Variants in KLHL1 observed in about 807,000 individuals in gnomAD.
KLHL1 encodes the protein kelch-like protein 1.
Under a neutral mutation model 77.7 loss-of-function variants are expected in KLHL1, and 47 were observed. The observed-to-expected ratio is 0.60, with a 90% CI of 0.48 to 0.77. The LOEUF is 0.77. Ranked by LOEUF, KLHL1 falls within the 30% of genes least tolerant of loss-of-function variation. The pLI is 0.00. For missense variants in KLHL1, 925 were observed against 910.8 expected, an observed-to-expected ratio of 1.02 and a Z score of -0.20; for synonymous variants, 360 against 325.2, an observed-to-expected ratio of 1.11 and a Z score of -1.15.
chr13:69,729,782 A>G (rs9529630), intron 8 of KLHL1, among the ~76,000 whole-genome samples: 7,997 of 152,202 alleles, frequency 0.053, 362 homozygotes, highest in African/African-American at 0.12. Flanking sequence ...AAAATCAAGT[A>G]AAAAATGGAG....
At chr13:70,053,229 C>T (rs975012194) in intron 1 of KLHL1, among the ~76,000 whole-genome samples, 13 of 151,870 alleles carry the variant, frequency 8.6e-5, no homozygotes, top group African/African-American at 1.9e-4. Flanking sequence ...ACATATAGAA[C>T]GAATTCTTTA....
chr13:70,013,443 C>T (rs1037534968), intron 1 of KLHL1, among the ~76,000 whole-genome samples: 1 of 152,076 alleles, frequency 6.6e-6, no homozygotes, highest in Non-Finnish European at 1.5e-5. Context: ...AGGTTTCTTT[C>T]CTTGTTGCTA....
At chr13:69,765,840 A>G (rs1321608753) in intron 7 of KLHL1, among the ~76,000 whole-genome samples, 1 of 152,192 alleles carries the variant, frequency 6.6e-6, no homozygotes, top group African/African-American at 2.4e-5. Flanking sequence ...CTGATGCTCT[A>G]AGGGCTTTCA....
At chr13:69,752,861 C>T (rs1481683203) in intron 7 of KLHL1, among the ~76,000 whole-genome samples, 1 of 152,178 alleles carries the variant, frequency 6.6e-6, no homozygotes. Context: ...TAAGTGTGCT[C>T]ACTCATAACT....
chr13:69,839,247 T>A, intron 5 of KLHL1, 85 bp from the exon 6 acceptor site: 1 of 912,334 alleles, frequency 1.1e-6, no homozygotes, highest in Non-Finnish European at 1.6e-6. Context: ...GTTTAATGTC[T>A]GTGATATTAT....
chr13:69,920,855 A>T (rs1161127283), intron 4 of KLHL1, among the ~76,000 whole-genome samples: 3 of 152,210 alleles, frequency 2.0e-5, no homozygotes, highest in African/African-American at 7.2e-5. Context: ...CTCTGTATGC[A>T]CTCAGAAAGT....
At chr13:69,950,128 G>A (rs112614101) in intron 3 of KLHL1, among the ~76,000 whole-genome samples, 5 of 151,742 alleles carry the variant, frequency 3.3e-5, no homozygotes, top group African/African-American at 1.2e-4. Flanking sequence ...GAGTTCAAGA[G>A]AAACTGTTAG....
At chr13:69,782,094 C>CAAAT (rs535422018) in intron 7 of KLHL1, among the ~76,000 whole-genome samples, 143 of 152,204 alleles carry the variant, frequency 9.4e-4, no homozygotes, top group Middle Eastern at 3.4e-3. Flanking sequence ...TTGGAGATGC[C>CAAAT]AAATAAATTT....
chr13:70,008,316 A>T (rs1885452965), intron 1 of KLHL1, among the ~76,000 whole-genome samples: 1 of 152,016 alleles, frequency 6.6e-6, no homozygotes. Flanking sequence ...AAGTTGTTTC[A>T]CTGATTGAGA....
intron 6 of KLHL1, among the ~76,000 whole-genome samples, chr13:69,831,875 A>C (rs1352484309): frequency 6.7e-6 from 1 of 150,218 alleles, no homozygotes; most frequent in Non-Finnish European, 1.5e-5. Context: ...AGATGCAGAA[A>C]AAGCATTTAA....
chr13:69,955,515 T>A (rs1883838710), intron 3 of KLHL1, among the ~76,000 whole-genome samples: 1 of 151,352 alleles, frequency 6.6e-6, no homozygotes, highest in Admixed American at 6.6e-5. Flanking sequence ...ATCAGTTCTC[T>A]ACAGGACCTG....
At chr13:70,054,398 A>G (rs756351514) in intron 1 of KLHL1, among the ~76,000 whole-genome samples, 37 of 152,046 alleles carry the variant, frequency 2.4e-4, no homozygotes, top group Non-Finnish European at 4.6e-4. Flanking sequence ...TGTCTGTGAG[A>G]TTCATCCTCT....
At chr13:69,776,407 G>T (rs568391539) in intron 7 of KLHL1, among the ~76,000 whole-genome samples, 3 of 152,308 alleles carry the variant, frequency 2.0e-5, no homozygotes, top group Admixed American at 6.5e-5. Flanking sequence ...CTAATGAGCT[G>T]TATGAACTTC....
intron 1 of KLHL1, among the ~76,000 whole-genome samples, chr13:70,027,893 G>A (rs974633788): frequency 6.6e-6 from 1 of 152,110 alleles, no homozygotes; most frequent in Non-Finnish European, 1.5e-5. Flanking sequence ...TGGAGTTATT[G>A]TGGCGATGTT....
chr13:70,056,630 T>C (rs1282102766), intron 1 of KLHL1, among the ~76,000 whole-genome samples: 1 of 152,178 alleles, frequency 6.6e-6, no homozygotes, highest in Non-Finnish European at 1.5e-5. Flanking sequence ...GTATCTTCTC[T>C]GATCTCAACA....
intron 5 of KLHL1, among the ~76,000 whole-genome samples, chr13:69,868,932 G>A (rs1880475822): frequency 1.3e-5 from 2 of 152,034 alleles, no homozygotes; most frequent in South Asian, 4.1e-4. Flanking sequence ...CATAATCCAT[G>A]AAAGTAAGGA....
rs1443464725 is a variant in KLHL1, at chr13:69,897,630, C to A, written c.1015-15135G>T. 2.0e-5 allele frequency among the ~76,000 whole-genome samples: 3 copies of A among 152,062 alleles called. 1 individual carries two copies. Among genetic ancestry groups the A allele is most frequent in the South Asian group, 4.1e-4 (2 of 4,830 alleles). ...CCCTTCCTCCAGAGTGCGTTGACTACCTAAAGAGGAGGGGAAAGGCAGGCT... is the reference window on the plus strand; with the variant it reads ...CCCTTCCTCCAGAGTGCGTTGACTAACTAAAGAGGAGGGGAAAGGCAGGCT... On this transcript the variant is annotated intron_variant, in intron 4 of 10. Transcript: ENST00000377844.
intron 3 of KLHL1, among the ~76,000 whole-genome samples, chr13:69,951,043 G>A (rs557517698): frequency 2.4e-4 from 36 of 151,624 alleles, no homozygotes; most frequent in African/African-American, 8.7e-4. Context: ...TTTATGGTGA[G>A]GAAAATGTTT....
chr13:69,837,614 C>CTCTATATA lies in KLHL1; in HGVS notation c.1414+1361_1414+1362insTATATAGA, dbSNP rs570243891. 2.3e-3 allele frequency among the ~76,000 whole-genome samples: 310 copies of CTCTATATA among 136,462 alleles called. 2 individuals are homozygous for CTCTATATA. The highest frequency in any genetic ancestry group is 8.9e-3 in the African/African-American group (292 of 32,884). 89.5% of individuals were successfully genotyped at this position (136,462 alleles called of 152,430 possible). On this transcript the variant is annotated intron_variant, in intron 6 of 10. Transcript: ENST00000377844. Reference sequence around the variant, plus strand: ...TATATATACACATACATCTCTCTCTCTATATATATGTGTGTGTATATATAT... The same window carrying CTCTATATA: ...TATATATACACATACATCTCTCTCTCTCTATATATATATATATGTGTGTGTATATATAT...
Sources: allele counts gnomAD v4.1 joint callset (sites outside exome capture counted in the v4.1 genomes callset), GRCh38; gene constraint gnomAD v4.1.1; transcripts MANE v1.5; gene names NCBI Gene and HGNC (gene_info 2026-07-23, HGNC 2026-07-21).